Variants in ENTPD5 observed in about 807,000 individuals in gnomAD.
ENTPD5 encodes ectonucleoside triphosphate diphosphohydrolase 5 (inactive).
Under a neutral mutation model 60.2 loss-of-function variants are expected in ENTPD5, and 49 were observed. The ratio of observed to expected loss-of-function variants is 0.81; its 90% CI spans 0.65 to 1.03. The LOEUF is 1.03. Ranked by LOEUF, ENTPD5 falls within the 50% of genes least tolerant of loss-of-function variation. The pLI is 0.00. For synonymous variants in ENTPD5, 187 were observed against 185.4 expected (o/e 1.01, Z -0.07); for missense variants, 480 against 507.6 (o/e 0.95, Z 0.52).
rs141971586 is a variant in ENTPD5 at position 74,000,378 on chromosome 14, G to C, written c.-71+10713C>G. ...AGGCTGAGGTGGGAGGATTGCTTGA[G>C]CCCCCTGGGAGGTGGAGGTTGCTGT... On this transcript the variant is annotated intron_variant, in intron 3 of 15. Coordinates refer to ENST00000334696, the MANE Select transcript of ENTPD5 (RefSeq NM_001249.5). Among the ~76,000 whole-genome samples, 1,497 of 150,316 alleles carry C rather than the reference G, an allele frequency of 1.0e-2. 12 individuals carry two copies. The highest frequency in any genetic ancestry group is 0.026 in the South Asian group (122 of 4,728).
intron 15 of ENTPD5, 31 bp from the exon 16 acceptor site, chr14:73,967,045 T>C (rs1566704499): frequency 1.3e-6 from 2 of 1,580,084 alleles, no homozygotes; most frequent in Non-Finnish European, 1.7e-6. Context: ...CTTCACCTTT[T>C]CATCCAGTTT....
At chr14:73,976,466 C>G (rs2057449873) in intron 8 of ENTPD5, 54 bp from the exon 9 acceptor site, 16 of 1,369,488 alleles carry the variant, frequency 1.2e-5, no homozygotes, top group Non-Finnish European at 1.6e-5. Flanking sequence ...CAGCCCAACA[C>G]TTGTCTCTCT....
chr14:74,000,220 G>A (rs1035733729), intron 3 of ENTPD5, among the ~76,000 whole-genome samples: 1 of 151,848 alleles, frequency 6.6e-6, no homozygotes, highest in African/African-American at 2.4e-5. Context: ...ACTTTGGGAG[G>A]CCAAGGCAGG....
rs1285604930 is a variant in ENTPD5, at chr14:73,976,360, TC to T, written c.605del (p.Gly202GlufsTer46). ...GCAGGAACGTGATTTGGGTGGAGGC[TC>T]CCCCTAGGTCCAAGGTCCCCACAGT... ...QETVGTLDLG[G>X]ASTQITFLPQ... is the part of the protein sequence containing the mutation. On this transcript the variant is annotated frameshift_variant, in exon 9 of 16. Coordinates refer to ENST00000334696, the MANE Select transcript of ENTPD5 (RefSeq NM_001249.5). LOFTEE classifies it high-confidence loss of function. 3 of 1,613,892 alleles carry T rather than the reference TC, an allele frequency of 1.9e-6. No individual in the cohort carries two copies. The highest frequency in any genetic ancestry group is 8.5e-7 in the Non-Finnish European group (1 of 1,179,926).
chr14:74,005,355 A>C, intron 3 of ENTPD5, among the ~76,000 whole-genome samples: 2 of 137,568 alleles, frequency 1.5e-5, no homozygotes, highest in African/African-American at 5.1e-5. Flanking sequence ...AGAGAGCAAG[A>C]CTCGGTCTCA....
At chr14:74,002,775 T>C (rs543584128) in intron 3 of ENTPD5, among the ~76,000 whole-genome samples, 1 of 152,292 alleles carries the variant, frequency 6.6e-6, no homozygotes, top group Admixed American at 6.5e-5. Context: ...AAGTCATCCT[T>C]TAATATAAAT....
intron 15 of ENTPD5, among the ~76,000 whole-genome samples, chr14:73,968,777 C>T (rs1009406054): frequency 2.0e-5 from 3 of 152,060 alleles, no homozygotes; most frequent in African/African-American, 7.2e-5. Flanking sequence ...GCTACCACCA[C>T]CAAAAAAGTC....
intron 15 of ENTPD5, among the ~76,000 whole-genome samples, chr14:73,969,538 A>G (rs989533390): frequency 6.6e-6 from 1 of 151,808 alleles, no homozygotes; most frequent in African/African-American, 2.4e-5. Flanking sequence ...CCCATCTCCA[A>G]TAAAAATACA....
At chr14:74,010,341 G>A (rs372049399) in intron 3 of ENTPD5, among the ~76,000 whole-genome samples, 37 of 152,314 alleles carry the variant, frequency 2.4e-4, no homozygotes, top group African/African-American at 8.9e-4. Flanking sequence ...GATCACCTGA[G>A]GTCGGGAGTT....
chr14:73,968,716 A>C (rs2057091629), intron 15 of ENTPD5, among the ~76,000 whole-genome samples: 1 of 152,120 alleles, frequency 6.6e-6, no homozygotes, highest in Non-Finnish European at 1.5e-5. Flanking sequence ...GTGAGCCATC[A>C]GGCCCGGCTG....
chr14:74,016,217 G>A (rs1486037069), intron 1 of ENTPD5, among the ~76,000 whole-genome samples: 1 of 152,208 alleles, frequency 6.6e-6, no homozygotes, highest in African/African-American at 2.4e-5. Context: ...GGATTCAGAA[G>A]AATGTAGACT....
chr14:73,999,963 C>T (rs2058456606), intron 3 of ENTPD5, among the ~76,000 whole-genome samples: 1 of 151,548 alleles, frequency 6.6e-6, no homozygotes, highest in South Asian at 2.1e-4. Context: ...TGGCATGCAC[C>T]TGTAATCCCA....
At chr14:73,967,303 C>G (rs191178738) in intron 15 of ENTPD5, among the ~76,000 whole-genome samples, 2 of 152,324 alleles carry the variant, frequency 1.3e-5, no homozygotes. Flanking sequence ...AGACAGTATT[C>G]TGAACTTTCC....
At chr14:73,991,143 A>G (rs2058111058) in intron 3 of ENTPD5, among the ~76,000 whole-genome samples, 1 of 152,198 alleles carries the variant, frequency 6.6e-6, no homozygotes, top group Non-Finnish European at 1.5e-5. Context: ...CTGGATGGAC[A>G]TTAAATGAGA....
At chr14:73,991,536 C>T (rs997635118) in intron 3 of ENTPD5, among the ~76,000 whole-genome samples, 39 of 127,222 alleles carry the variant, frequency 3.1e-4, no homozygotes, top group Admixed American at 1.5e-3. Context: ...TGCAGTGAGT[C>T]AAGATCGCAC....
chr14:73,979,004 T>A (rs1164943492), intron 6 of ENTPD5, among the ~76,000 whole-genome samples: 4 of 152,200 alleles, frequency 2.6e-5, no homozygotes, highest in Non-Finnish European at 5.9e-5. Flanking sequence ...TCTCTGAGGT[T>A]ACCGCCTCCT....
intron 3 of ENTPD5, among the ~76,000 whole-genome samples, chr14:73,998,808 C>T (rs2058417118): frequency 1.3e-5 from 2 of 151,982 alleles, no homozygotes; most frequent in South Asian, 4.1e-4. Context: ...GGGATGGGGG[C>T]CCCTGAGGAA....
intron 1 of ENTPD5, among the ~76,000 whole-genome samples, chr14:74,018,285 C>A (rs541615303): frequency 6.6e-6 from 1 of 151,996 alleles, no homozygotes; most frequent in Admixed American, 6.5e-5. Flanking sequence ...GGAAACAAGG[C>A]GGAGGGGAGT....
rs2056857633 is a variant in ENTPD5 at position 73,963,656 on chromosome 14, A to C, written c.*3272T>G. 1 of 152,618 alleles carries C rather than the reference A, an allele frequency of 6.6e-6. No homozygotes were observed. The highest frequency in any genetic ancestry group is 2.1e-4 in the South Asian group (1 of 4,842). 9.5% of individuals were successfully genotyped at this position (152,618 alleles called of 1,614,324 possible). On this transcript the variant is annotated 3_prime_UTR_variant, in exon 16 of 16. Coordinates refer to ENST00000334696, the MANE Select transcript of ENTPD5 (RefSeq NM_001249.5). ...AGGAACCAGATCACAAGGGAAACCG[A>C]TTAGCAGCAGAATTTGTTCATGTTT...
Sources: allele counts gnomAD v4.1 joint callset (sites outside exome capture counted in the v4.1 genomes callset), GRCh38; gene constraint gnomAD v4.1.1; transcripts MANE v1.5; gene names NCBI Gene and HGNC (gene_info 2026-07-23, HGNC 2026-07-21).